Variants in SHISA9 observed in about 807,000 individuals in gnomAD.
SHISA9 encodes protein shisa-9.
In SHISA9, 13 loss-of-function variants were observed where a neutral mutation model predicts 38.0. That is an observed-to-expected ratio of 0.34 (90% CI 0.22 to 0.54). SHISA9 has a LOEUF of 0.54. Among genes scored for constraint, SHISA9 ranks in the 20% least tolerant of loss-of-function variants. The probability of loss-of-function intolerance (pLI) is 0.91; values close to 1 mark genes in which losing one functional copy is unlikely to be tolerated. For synonymous variants in SHISA9, 275 were observed against 242.0 expected (o/e 1.14, Z -1.27); for missense variants, 538 against 575.8 (o/e 0.93, Z 0.67).
chr16:13,364,023 G>A, the SHISA9 span, among the ~76,000 whole-genome samples: 5 of 152,182 alleles, frequency 3.3e-5, no homozygotes, highest in African/African-American at 1.2e-4. Flanking sequence ...ACCCAAGTTT[G>A]AGGGTCACTG....
intron 2 of SHISA9, among the ~76,000 whole-genome samples, chr16:13,003,863 A>AATAATAATAATC (rs2072558290): frequency 8.1e-6 from 1 of 123,720 alleles, no homozygotes; most frequent in South Asian, 2.4e-4. Flanking sequence ...GTCTCAAAAT[A>AATAATAATAATC]ATAATAATAA....
the SHISA9 span, among the ~76,000 whole-genome samples, chr16:13,412,563 A>T: frequency 6.6e-6 from 1 of 151,978 alleles, no homozygotes; most frequent in Non-Finnish European, 1.5e-5. Context: ...CAGCTCTCAG[A>T]TTCAAAAAGG....
chr16:13,271,403 C>T, the SHISA9 span, among the ~76,000 whole-genome samples: 1 of 152,018 alleles, frequency 6.6e-6, no homozygotes, highest in Admixed American at 6.6e-5. Flanking sequence ...CAGATGTAGA[C>T]CAATTTAAAA....
At chr16:13,505,002 C>G in the SHISA9 span, among the ~76,000 whole-genome samples, 1 of 152,182 alleles carries the variant, frequency 6.6e-6, no homozygotes, top group African/African-American at 2.4e-5. Flanking sequence ...TCCCTCTTAT[C>G]TGTGACTACG....
intron 2 of SHISA9, among the ~76,000 whole-genome samples, chr16:13,188,716 C>CAAAAA (rs35558481): frequency 1.3e-5 from 1 of 79,332 alleles, no homozygotes; most frequent in Non-Finnish European, 2.2e-5. Flanking sequence ...GACCCTGTTT[C>CAAAAA]AAAAAAAAAA....
At chr16:13,288,340 C>T in the SHISA9 span, among the ~76,000 whole-genome samples, 2 of 152,088 alleles carry the variant, frequency 1.3e-5, no homozygotes, top group East Asian at 3.9e-4. Flanking sequence ...CTTGCATGGT[C>T]AGGTTCTGGT....
At chr16:13,058,790 T>C (rs2073339980) in intron 2 of SHISA9, among the ~76,000 whole-genome samples, 1 of 150,902 alleles carries the variant, frequency 6.6e-6, no homozygotes, top group African/African-American at 2.4e-5. Flanking sequence ...TGTGAATGTG[T>C]ATGTGTGGTG....
rs567193304 is a variant in SHISA9, at chr16:12,911,366, C to T, written c.564-5322C>T. ...GTTCTTTCTACTGTCTAATTCATTA[C>T]ATTTTTTCAGCACATTCCTGTCTAT... On this transcript the variant is annotated intron_variant, in intron 1 of 4. Transcript: ENST00000558583. 3.9e-5 allele frequency: 38 copies of T among 985,394 alleles called. No homozygotes were observed. In the African/African-American group the frequency reaches 5.6e-4, roughly 14 times the overall value. 61.0% of individuals were successfully genotyped at this position (985,394 alleles called of 1,614,324 possible).
chr16:13,177,173 T>C (rs192826506), intron 2 of SHISA9, among the ~76,000 whole-genome samples: 2 of 152,292 alleles, frequency 1.3e-5, no homozygotes, highest in Admixed American at 6.5e-5. Context: ...CCAGGGACAG[T>C]GTACAGAACC....
At chr16:13,229,972 A>C (rs943366354) in intron 4 of SHISA9, among the ~76,000 whole-genome samples, 1 of 152,196 alleles carries the variant, frequency 6.6e-6, no homozygotes, top group Admixed American at 6.5e-5. Flanking sequence ...TCCCCTTCAT[A>C]GCACTTACCA....
chr16:13,215,749 G>A (rs2051162107), intron 4 of SHISA9, among the ~76,000 whole-genome samples: 2 of 152,196 alleles, frequency 1.3e-5, no homozygotes, highest in Admixed American at 6.5e-5. Context: ...AGTGGTCCCA[G>A]TGAGAACCAA....
the SHISA9 span, among the ~76,000 whole-genome samples, chr16:13,460,962 A>G: frequency 1.3e-5 from 2 of 152,226 alleles, no homozygotes; most frequent in African/African-American, 4.8e-5. Flanking sequence ...GCTCCTTGTT[A>G]AAACCACTTT....
the SHISA9 span, among the ~76,000 whole-genome samples, chr16:13,272,558 T>C: frequency 6.6e-6 from 1 of 152,076 alleles, no homozygotes; most frequent in Admixed American, 6.6e-5. Flanking sequence ...GTAAAATTGA[T>C]GAAGAGACCT....
At chr16:13,299,511 C>T in the SHISA9 span, among the ~76,000 whole-genome samples, 4 of 151,982 alleles carry the variant, frequency 2.6e-5, no homozygotes, top group Admixed American at 1.3e-4. Context: ...GTCAAGAGTT[C>T]GAGACCAGCC....
chr16:13,050,177 T>A (rs191044372), intron 2 of SHISA9, among the ~76,000 whole-genome samples: 81 of 152,272 alleles, frequency 5.3e-4, no homozygotes, highest in African/African-American at 2.0e-3. Flanking sequence ...TGGTCTTATT[T>A]GTGATATTGA....
At chr16:13,455,779 C>T in the SHISA9 span, among the ~76,000 whole-genome samples, 2 of 152,086 alleles carry the variant, frequency 1.3e-5, no homozygotes, top group African/African-American at 2.4e-5. Flanking sequence ...CCACCCTAAC[C>T]GCAGCCTCCC....
chr16:13,234,952 C>A (rs1206809720), intron 4 of SHISA9, 78 bp from the exon 5 acceptor site: 46 of 1,444,000 alleles, frequency 3.2e-5, no homozygotes, highest in Non-Finnish European at 3.9e-5. Flanking sequence ...ACATGCCAGT[C>A]TCTAACTCTC....
chr16:13,221,208 G>C (rs2051221581), intron 4 of SHISA9, among the ~76,000 whole-genome samples: 1 of 152,152 alleles, frequency 6.6e-6, no homozygotes, highest in South Asian at 2.1e-4. Context: ...TTTAGGACCT[G>C]GTTCATGTGC....
At chr16:13,262,692 G>A in the SHISA9 span, among the ~76,000 whole-genome samples, 5 of 149,884 alleles carry the variant, frequency 3.3e-5, 1 homozygote, top group African/African-American at 4.9e-5. Context: ...AAGGAAGGAA[G>A]GAAGGAAGGA....
Sources: gnomAD v4.1 joint callset for allele counts (sites outside exome capture counted in the v4.1 genomes callset) on GRCh38, gnomAD v4.1.1 for gene constraint, MANE v1.5 for transcripts, NCBI Gene and HGNC (gene_info 2026-07-23, HGNC 2026-07-21) for gene names.